SAMD3: variants seen among roughly 807,000 people sequenced by gnomAD.
SAMD3 encodes the protein sterile alpha motif domain-containing protein 3.
In SAMD3, 63 loss-of-function variants were observed where a neutral mutation model predicts 58.5. That is an observed-to-expected ratio of 1.08 (90% CI 0.88 to 1.33). SAMD3 has a LOEUF of 1.33. Among genes scored for constraint, SAMD3 ranks in the 40% most tolerant of loss-of-function variants. The pLI is 0.00. For missense variants in SAMD3, 604 were observed against 608.4 expected, an observed-to-expected ratio of 0.99 and a Z score of 0.08; for synonymous variants, 220 against 210.3, an observed-to-expected ratio of 1.05 and a Z score of -0.40.
intron 2 of SAMD3, among the ~76,000 whole-genome samples, chr6:130,228,083 A>G (rs1562468594): frequency 6.6e-6 from 1 of 152,212 alleles, no homozygotes; most frequent in Non-Finnish European, 1.5e-5. Context: ...TATAAACCAG[A>G]AGCCTATGCA....
chr6:130,154,763 AAT>A (rs1789618539), intron 9 of SAMD3, 60 bp downstream of exon 9: 15 of 621,134 alleles, frequency 2.4e-5, no homozygotes, highest in Middle Eastern at 7.1e-4. Context: ...ATAATATTAA[AAT>A]ATGTGTGTGT....
chr6:130,170,522 G>A (rs13218248), intron 8 of SAMD3, among the ~76,000 whole-genome samples: 6,281 of 152,190 alleles, frequency 0.041, 170 homozygotes, highest in Non-Finnish European at 0.061. Flanking sequence ...CATTGAATCT[G>A]TAAATTACTT....
intron 2 of SAMD3, among the ~76,000 whole-genome samples, chr6:130,288,281 G>A (rs1222086434): frequency 6.6e-6 from 1 of 152,166 alleles, no homozygotes; most frequent in African/African-American, 2.4e-5. Flanking sequence ...CCAGCAGGCT[G>A]GAAATTTTGG....
At chr6:130,247,306 T>A (rs1427860978) in intron 2 of SAMD3, among the ~76,000 whole-genome samples, 1 of 151,886 alleles carries the variant, frequency 6.6e-6, no homozygotes, top group Non-Finnish European at 1.5e-5. Context: ...CCCATCTCTA[T>A]TAAAAATACA....
At chr6:130,296,613 G>A (rs186049707) in intron 2 of SAMD3, among the ~76,000 whole-genome samples, 47 of 152,244 alleles carry the variant, frequency 3.1e-4, no homozygotes, top group Admixed American at 5.2e-4. Context: ...CTTCACCCTC[G>A]CTGAAAGTGA....
chr6:130,319,258 T>G (rs1302169101), intron 1 of SAMD3, among the ~76,000 whole-genome samples: 2 of 152,036 alleles, frequency 1.3e-5, no homozygotes, highest in Non-Finnish European at 2.9e-5. Context: ...CATTTCCAAA[T>G]GTGATGAAAA....
At chr6:130,198,457 C>T (rs72982549) in intron 5 of SAMD3, among the ~76,000 whole-genome samples, 32,294 of 152,112 alleles carry the variant, frequency 0.21, 4,212 homozygotes, top group East Asian at 0.44. Flanking sequence ...GATTCTCCTG[C>T]CTTGGCCTCC....
chr6:130,293,845 T>A (rs1775466940), intron 2 of SAMD3, among the ~76,000 whole-genome samples: 1 of 151,998 alleles, frequency 6.6e-6, no homozygotes, highest in Non-Finnish European at 1.5e-5. Flanking sequence ...GTCTCTAAAC[T>A]TTTCTTGATA....
intron 2 of SAMD3, among the ~76,000 whole-genome samples, chr6:130,285,462 T>C (rs1032088024): frequency 6.6e-6 from 1 of 152,216 alleles, no homozygotes; most frequent in African/African-American, 2.4e-5. Flanking sequence ...TTGTCTTCAC[T>C]GATTCCTACT....
At chr6:130,189,123 A>G (rs1340299614) in intron 5 of SAMD3, among the ~76,000 whole-genome samples, 1 of 151,970 alleles carries the variant, frequency 6.6e-6, no homozygotes, top group East Asian at 1.9e-4. Context: ...AAAAAACCAA[A>G]AAACAAAAAC....
At position 130,279,299 on chromosome 6, in the gene SAMD3, G is replaced by A. The variant is rs191866571; in HGVS notation, c.-188+33679C>T. ...TGGGAGGTATGTGAATCATGGGGGC[G>A]GTTTTCCCCATGCAGTTCTCATGAC... On this transcript the variant is annotated intron_variant, in intron 2 of 13. Coordinates refer to the SAMD3 transcript ENST00000368134. Among the ~76,000 whole-genome samples the A allele has an allele frequency of 2.7e-3, 409 of 151,990 alleles. 4 individuals are homozygous for A. The highest frequency in any genetic ancestry group is 7.3e-3 in the African/African-American group (303 of 41,444).
At position 130,301,504 on chromosome 6, in the gene SAMD3, G is replaced by A. The variant is rs147994599; in HGVS notation, c.-188+11474C>T. Among the ~76,000 whole-genome samples the A allele has an allele frequency of 1.2e-3, 190 of 152,140 alleles. 1 individual carries two copies. Among genetic ancestry groups the A allele is most frequent in the African/African-American group, 4.4e-3 (182 of 41,514 alleles). Reference sequence around the variant, plus strand: ...TCAATATCATTAAAATGACCATACTGCCCAAAGCAATCCATAAATTCAATG... The same window carrying A: ...TCAATATCATTAAAATGACCATACTACCCAAAGCAATCCATAAATTCAATG... On this transcript the variant is annotated intron_variant, in intron 2 of 13. Coordinates refer to the SAMD3 transcript ENST00000368134.
intron 1 of SAMD3, among the ~76,000 whole-genome samples, chr6:130,341,279 T>G (rs1777264123): frequency 6.6e-6 from 1 of 152,212 alleles, no homozygotes; most frequent in African/African-American, 2.4e-5. Context: ...GACTGATGAC[T>G]ACCCCATGTA....
chr6:130,334,905 CCAGCAGA>C (rs144515030), intron 1 of SAMD3, among the ~76,000 whole-genome samples: 2,780 of 152,264 alleles, frequency 0.018, 22 homozygotes, highest in Non-Finnish European at 0.027. Flanking sequence ...AAATCTGTTA[CCAGCAGA>C]CAGCCAGCAT....
chr6:130,303,926 A>C (rs1454149658), intron 2 of SAMD3, among the ~76,000 whole-genome samples: 1 of 152,176 alleles, frequency 6.6e-6, no homozygotes, highest in African/African-American at 2.4e-5. Context: ...TTTGATTAAC[A>C]TAAGGTTTTA....
chr6:130,148,739 G>T (rs1394657313), intron 9 of SAMD3, among the ~76,000 whole-genome samples: 1 of 152,084 alleles, frequency 6.6e-6, no homozygotes, highest in African/African-American at 2.4e-5. Context: ...AGGTATGGTG[G>T]CACATGCCTG....
chr6:130,182,618 A>C (rs1792472622), intron 7 of SAMD3, among the ~76,000 whole-genome samples: 3 of 148,180 alleles, frequency 2.0e-5, no homozygotes, highest in Admixed American at 6.7e-5. Context: ...GAAGGAGGGA[A>C]GAAAGAAGGA....
chr6:130,209,041 A>G (rs1210054551), intron 5 of SAMD3, among the ~76,000 whole-genome samples: 2 of 152,220 alleles, frequency 1.3e-5, no homozygotes, highest in Non-Finnish European at 2.9e-5. Context: ...GTAGGAACAT[A>G]GAGAAAATGT....
chr6:130,260,611 T>A (rs768924012), intron 2 of SAMD3, among the ~76,000 whole-genome samples: 40 of 152,214 alleles, frequency 2.6e-4, no homozygotes, highest in Non-Finnish European at 4.4e-4. Flanking sequence ...CCCTGCTACA[T>A]TTCTTGGTTC....
Sources: allele counts gnomAD v4.1 joint callset (sites outside exome capture counted in the v4.1 genomes callset), GRCh38; gene constraint gnomAD v4.1.1; transcripts MANE v1.5; gene names NCBI Gene and HGNC (gene_info 2026-07-23, HGNC 2026-07-21).